The following PSMC6 variants were observed in gnomAD, a reference collection of about 807,000 sequenced individuals.
PSMC6 encodes proteasome 26S subunit, ATPase 6.
A neutral mutation model predicts 55.9 loss-of-function variants in PSMC6; 3 were observed. The ratio of observed to expected loss-of-function variants is 0.05; its 90% CI spans 0.02 to 0.14. The LOEUF is 0.14. Among genes scored for constraint, PSMC6 ranks in the 10% least tolerant of loss-of-function variants. The pLI is 1.00. For synonymous variants in PSMC6, 137 were observed against 155.9 expected, an observed-to-expected ratio of 0.88 and a Z score of 0.90; for missense variants, 210 against 478.7, an observed-to-expected ratio of 0.44 and a Z score of 5.24.
chr14:52,708,015 C>T (rs2041722687), intron 1 of PSMC6, among the ~76,000 whole-genome samples: 1 of 152,042 alleles, frequency 6.6e-6, no homozygotes, highest in African/African-American at 2.4e-5. Context: ...GATTTGTAGT[C>T]GCAAATCCTA....
chr14:52,709,564 G>A (rs1319310763), intron 4 of PSMC6: 3 of 454,516 alleles, frequency 6.6e-6, no homozygotes, highest in South Asian at 4.7e-5. Context: ...GGATTTTCAT[G>A]TCCCTTTCAG....
rs1186445620 is a variant in PSMC6 at position 52,728,467 on chromosome 14, A to G, written c.*850A>G. 1 of 152,216 alleles carries G rather than the reference A, an allele frequency of 6.6e-6. No individual in the cohort carries two copies. Among genetic ancestry groups the G allele is most frequent in the Non-Finnish European group, 1.5e-5 (1 of 68,048 alleles). The allele number at this position is 152,216 out of a possible 1,614,324, so 9.4% of individuals were successfully genotyped here. On this transcript the variant is annotated 3_prime_UTR_variant, in exon 14 of 14. Coordinates refer to ENST00000445930, the MANE Select transcript of PSMC6 (RefSeq NM_002806.5). The stretch of plus-strand genomic sequence containing the variant: ...TCATCCAAGGACTCTTTAGGTATGT[A>G]TGGATACCTGGCTAAGAGTGTATGA...
intron 6 of PSMC6, among the ~76,000 whole-genome samples, chr14:52,713,606 A>G (rs1594849214): frequency 6.6e-6 from 1 of 152,190 alleles, no homozygotes; most frequent in Non-Finnish European, 1.5e-5. Context: ...CATTTCAAAT[A>G]TGTTTGGACA....
intron 13 of PSMC6, among the ~76,000 whole-genome samples, 175 bp from the exon 14 acceptor site, chr14:52,727,324 C>T (rs192327329): frequency 7.2e-5 from 11 of 152,192 alleles, no homozygotes; most frequent in African/African-American, 1.2e-4. Flanking sequence ...CCACCGCACC[C>T]GGCCTGTGGA....
At chr14:52,714,631 G>T (rs2041810134) in intron 7 of PSMC6, among the ~76,000 whole-genome samples, 1 of 152,110 alleles carries the variant, frequency 6.6e-6, no homozygotes, top group Admixed American at 6.5e-5. Flanking sequence ...GGAGGCCGAG[G>T]CAGGCAGATC....
intron 4 of PSMC6, chr14:52,710,847 T>G: frequency 2.1e-6 from 1 of 467,220 alleles, no homozygotes; most frequent in Non-Finnish European, 3.9e-6. Flanking sequence ...CATTGCTGCC[T>G]CAAGCTTTGT....
chr14:52,723,994 G>A lies in PSMC6; in HGVS notation c.1009G>A (p.Gly337Ser). The change falls in exon 13 of 14, where the codon GGC becomes AGC. Residue 337 changes from glycine (G) to serine (S), a missense_variant. Physicochemically the swap from Gly to Ser is moderately conservative, Grantham distance 56. Around this residue, in one of 4 missense-constraint regions of PSMC6, gnomAD observed 79 missense variants for 158.7 expected, o/e 0.50. Transcript: ENST00000445930. ...TGAAGCAATTGTGAAGCTTTCGGATGGCTTTAATGGAGCAGATCTGAGAAA... is the reference window on the plus strand; with the variant it reads ...TGAAGCAATTGTGAAGCTTTCGGATAGCTTTAATGGAGCAGATCTGAGAAA... ...DYEAIVKLSD[G>S]FNGADLRNVC... 1 of 1,613,952 alleles carries A rather than the reference G, an allele frequency of 6.2e-7. No homozygotes were observed. The highest frequency in any genetic ancestry group is 8.5e-7 in the Non-Finnish European group (1 of 1,179,898).
intron 13 of PSMC6, among the ~76,000 whole-genome samples, chr14:52,726,766 C>G (rs1880431733): frequency 6.6e-6 from 1 of 152,004 alleles, no homozygotes; most frequent in African/African-American, 2.4e-5. Context: ...CTCAGCCTCC[C>G]AAGTAGCTGG....
intron 7 of PSMC6, 137 bp downstream of exon 7, chr14:52,714,105 A>C: frequency 1.9e-6 from 1 of 517,190 alleles, no homozygotes; most frequent in Non-Finnish European, 3.3e-6. Flanking sequence ...CAGTGGCACA[A>C]TCTGGGCTAA....
intron 7 of PSMC6, among the ~76,000 whole-genome samples, chr14:52,717,453 A>C (rs1488956480): frequency 6.7e-6 from 1 of 148,828 alleles, no homozygotes; most frequent in East Asian, 2.0e-4. Flanking sequence ...CTCCTGCCTC[A>C]GCCTCCCCAG....
intron 13 of PSMC6, among the ~76,000 whole-genome samples, chr14:52,724,789 T>G (rs774299600): frequency 6.6e-6 from 1 of 152,250 alleles, no homozygotes; most frequent in Non-Finnish European, 1.5e-5. Flanking sequence ...CCATACAGAA[T>G]CTTTAAATAG....
rs534603530 is a variant in PSMC6 at position 52,708,209 on chromosome 14, AAAGTG to A, written c.86-95_86-91del. The stretch of plus-strand genomic sequence containing the variant: ...GAAACAGTGGATGTGAAACTTAGGT[AAAGTG>A]AAGTAGACTTACGTAAACAGTAAAG... On this transcript the variant is annotated intron_variant, in intron 1 of 13. Transcript: ENST00000445930. 87 of 994,780 alleles carry A rather than the reference AAAGTG, an allele frequency of 8.7e-5. No individual in the cohort carries two copies. The South Asian group carries it at 1.2e-3, about 14-fold the overall frequency. The allele number at this position is 994,780 out of a possible 1,614,324, so 61.6% of individuals were successfully genotyped here.
Position 52,713,832 on chromosome 14 carries a change from A to G in PSMC6, c.442-49A>G, listed in dbSNP as rs569195814. On this transcript the variant is annotated intron_variant, in intron 6 of 13. Transcript: ENST00000445930. ...TTTGACTTAGAGTATTTGAAAGTACATTAAAAATCTTGACTAACTTTTTAA... is the reference window on the plus strand; with the variant it reads ...TTTGACTTAGAGTATTTGAAAGTACGTTAAAAATCTTGACTAACTTTTTAA... 5.6e-6 allele frequency: 7 copies of G among 1,240,306 alleles called. No homozygotes were observed. In the African/African-American group the frequency reaches 6.0e-5, roughly 11 times the overall value. 76.8% of individuals were successfully genotyped at this position (1,240,306 alleles called of 1,614,324 possible).
rs544699036 is a variant in PSMC6 at position 52,720,209 on chromosome 14, G to A, written c.778-652G>A. Among the ~76,000 whole-genome samples the A allele has an allele frequency of 1.5e-3, 195 of 131,582 alleles. 1 individual carries two copies. Among genetic ancestry groups the A allele is most frequent in the African/African-American group, 5.3e-3 (180 of 34,026 alleles). The allele number at this position is 131,582 out of a possible 152,430, so 86.3% of individuals were successfully genotyped here. ...TGCACTCCAGCCTGGGTGACAGAGC[G>A]AGAGTCTGTCTCCAAAAAAAAAAAA... On this transcript the variant is annotated intron_variant, in intron 10 of 13. Transcript: ENST00000445930.
chr14:52,707,779 G>A (rs899539519), intron 1 of PSMC6, among the ~76,000 whole-genome samples: 7 of 152,194 alleles, frequency 4.6e-5, no homozygotes, highest in African/African-American at 1.7e-4. Context: ...TGTGTTTCGT[G>A]TTGTACTGTA....
chr14:52,707,359 G>A, intron 1 of PSMC6, 55 bp downstream of exon 1: 1 of 1,605,764 alleles, frequency 6.2e-7, no homozygotes, highest in Non-Finnish European at 8.5e-7. Context: ...TTCTGCCTCT[G>A]ACAAAGCAGA....
Position 52,718,109 on chromosome 14 carries a change from C to A in PSMC6, c.558C>A (p.Ala186=), listed in dbSNP as rs745600813. ...PGTGKTLLAR[A]VASQLDCNFL... ...CGGGAAAAACACTCTTGGCACGAGC[C>A]GTTGCTAGCCAGCTGGACTGCAATT... The change falls in exon 8 of 14, where the codon GCC becomes GCA. Residue 186 remains alanine (A), a synonymous_variant. Transcript: ENST00000445930. The A allele has an allele frequency of 1.9e-6, 3 of 1,613,464 alleles. No individual in the cohort carries two copies. Among genetic ancestry groups the A allele is most frequent in the Non-Finnish European group, 1.7e-6 (2 of 1,179,966 alleles).
rs1053763754 is a variant in PSMC6 at position 52,720,131 on chromosome 14, G to A, written c.778-730G>A. Among the ~76,000 whole-genome samples, 5 of 150,176 alleles carry A rather than the reference G, an allele frequency of 3.3e-5. No individual in the cohort carries two copies. In the East Asian group the frequency reaches 9.8e-4, roughly 29 times the overall value. On this transcript the variant is annotated intron_variant, in intron 10 of 13. Coordinates refer to ENST00000445930, the MANE Select transcript of PSMC6 (RefSeq NM_002806.5). ...CCAGTTACTCAGGAGGCTGAGGCAG[G>A]AGAATTGCTTGAACCCAGGAGGTGA...
At chr14:52,714,032 A>C in intron 7 of PSMC6, 64 bp downstream of exon 7, 1 of 1,109,548 alleles carries the variant, frequency 9.0e-7, no homozygotes. Context: ...AAAAAAAAAA[A>C]GACAATTTTT....
Sources: allele counts gnomAD v4.1 joint callset (sites outside exome capture counted in the v4.1 genomes callset), GRCh38; gene constraint gnomAD v4.1.1; regional missense constraint gnomAD v4.1.1; transcripts MANE v1.5; gene names NCBI Gene and HGNC (gene_info 2026-07-23, HGNC 2026-07-21).